The following BIRC6 variants were observed in gnomAD, a reference collection of about 807,000 sequenced individuals.
BIRC6 encodes dual E2 ubiquitin-conjugating enzyme/E3 ubiquitin-protein ligase BIRC6.
BIRC6 carries 98 observed loss-of-function variants against 503.3 expected under a neutral mutation model. The ratio of observed to expected loss-of-function variants is 0.19; its 90% CI spans 0.17 to 0.23. The LOEUF (loss-of-function observed/expected upper bound fraction) is 0.23. Ranked by LOEUF, BIRC6 falls within the 10% of genes least tolerant of loss-of-function variation. The pLI is 1.00. For missense variants in BIRC6, 5,360 were observed against 5,806.0 expected (o/e 0.92, Z 2.50); for synonymous variants, 2,240 against 2,078.7 (o/e 1.08, Z -2.11).
In BIRC6 at chr2:32,512,982, A is replaced by G. The variant is rs751347872; in HGVS notation, c.10396A>G (p.Met3466Val). 1.4e-5 allele frequency: 23 copies of G among 1,613,960 alleles called. No homozygotes were observed. Among genetic ancestry groups the G allele is most frequent in the South Asian group, 4.4e-5 (4 of 91,088 alleles). Residue 3466 changes from methionine (M) to valine (V), a missense_variant, in exon 54 of 74, where the codon ATG becomes GTG. This residue lies in a region of BIRC6 where 878 missense variants were observed against 928.9 expected (regional missense o/e 0.95). Transcript: ENST00000421745. ...TAGTGATTCTGCAAGAGTGGCTGCT[A>G]TGAAGAGAAGTGGCAGGATGAACTA... is the stretch of plus-strand genomic sequence containing the variant. ...WVSDSARVAA[M>V]KRSGRMNYMC... is the part of the protein sequence containing the mutation.
rs779503382 is a variant in BIRC6, at chr2:32,513,016, C to T, written c.10430C>T (p.Pro3477Leu). Residue 3477 changes from proline to leucine, a missense_variant, in exon 54 of 74, where the codon CCT (proline) becomes CTT (leucine). Transcript: ENST00000421745. ...KRSGRMNYMC[P>L]NSSTVEYGLL... ...AGTGGCAGGATGAACTACATGTGTC[C>T]TAACTCCTCAACAGTAGAGTATGGT... 3.1e-6 allele frequency: 5 copies of T among 1,613,778 alleles called. No homozygotes were observed. The highest frequency in any genetic ancestry group is 4.2e-6 in the Non-Finnish European group (5 of 1,179,858).
chr2:32,392,112 C>A lies in BIRC6; in HGVS notation c.913C>A (p.Gln305Lys). 1 of 1,596,166 alleles carries A rather than the reference C, an allele frequency of 6.3e-7. No homozygotes were observed. Among genetic ancestry groups the A allele is most frequent in the Non-Finnish European group, 8.5e-7 (1 of 1,170,434 alleles). ...GCCTCATGTAGGCTATAGGTGGGCA[C>A]AACCAGATCCCATGGCTCAAGCTGG... ...SWPHVGYRWA[Q>K]PDPMAQAGFY... Residue 305 changes from glutamine to lysine, a missense_variant, in exon 5 of 74, where the codon CAA (glutamine) becomes AAA (lysine). By Grantham distance (53) the Gln-to-Lys change is moderately conservative (BLOSUM62 1). Around this residue, in one of 16 missense-constraint regions of BIRC6, gnomAD observed 92 missense variants for 176.7 expected, o/e 0.52. Transcript: ENST00000421745.
intron 59 of BIRC6, chr2:32,527,801 T>G (rs2056398944): frequency 6.6e-6 from 1 of 152,228 alleles, no homozygotes; most frequent in African/African-American, 2.4e-5. Flanking sequence ...ATTCATTCAT[T>G]GACTGGTGGT....
chr2:32,450,998 A>G (rs1311623248), intron 22 of BIRC6, among the ~76,000 whole-genome samples: 1 of 152,176 alleles, frequency 6.6e-6, no homozygotes, highest in East Asian at 1.9e-4. Flanking sequence ...ACAGATACAG[A>G]GAGCTGAGTG....
rs2043843136 is a variant in BIRC6 at position 32,429,218 on chromosome 2, GATC to G, written c.2946_2948del (p.Ser983del). Reference sequence around the variant, plus strand: ...GATGAAGCTGATATACTAGTGGATGGATCTCTTTCTAAAGGAATAGAACCATCT... The same window carrying G: ...GATGAAGCTGATATACTAGTGGATGGTCTTTCTAAAGGAATAGAACCATCT... On this transcript the variant is annotated inframe_deletion, in exon 11 of 74. Transcript: ENST00000421745. 6.4e-7 allele frequency: 1 copy of G among 1,571,682 alleles called. No individual in the cohort carries two copies. Among genetic ancestry groups the G allele is most frequent in the South Asian group, 1.2e-5 (1 of 85,430 alleles).
chr2:32,509,843 T>C lies in BIRC6; in HGVS notation c.10086T>C (p.Cys3362=), dbSNP rs771559660. 1.9e-6 allele frequency: 3 copies of C among 1,613,992 alleles called. No individual in the cohort carries two copies. In the Admixed American group the frequency reaches 5.0e-5, roughly 27 times the overall value. Residue 3362 remains cysteine (C), a synonymous_variant, in exon 52 of 74, where the codon TGT becomes TGC. Transcript: ENST00000421745. ...AAPTANLLQT[C]AALLMSPYCG... is the part of the protein sequence containing the mutation. ...CTACTGCTAATCTGCTGCAGACTTG[T>C]GCGGCCTTATTGATGTCACCTTACT...
chr2:32,448,691 A>T, intron 21 of BIRC6, 104 bp from the exon 22 acceptor site: 1 of 898,946 alleles, frequency 1.1e-6, no homozygotes, highest in Non-Finnish European at 1.7e-6. Flanking sequence ...GGAGAGGGAG[A>T]GCCCTCTGCG....
chr2:32,425,422 T>C (rs2043372026), intron 10 of BIRC6, among the ~76,000 whole-genome samples: 1 of 151,456 alleles, frequency 6.6e-6, no homozygotes, highest in Non-Finnish European at 1.5e-5. Context: ...TCAGGTATGC[T>C]TTCTGGTAAT....
chr2:32,401,323 T>C lies in BIRC6; in HGVS notation c.1195T>C (p.Phe399Leu). ...SCFGSGSCPH[F>L]LAAATKRGKI... is the part of the protein sequence containing the mutation. ...CTTTGGGTCGGGGAGCTGCCCTCAT[T>C]TTCTAGCTGCTGCAACTAAACGAGG... The change falls in exon 7 of 74, where the codon TTT (phenylalanine) becomes CTT (leucine). Residue 399 changes from phenylalanine (F) to leucine (L), a missense_variant. By Grantham distance (22) the Phe-to-Leu change is conservative (BLOSUM62 0). Transcript: ENST00000421745. 6.2e-7 allele frequency: 1 copy of C among 1,614,006 alleles called. No individual in the cohort carries two copies.
intron 65 of BIRC6, among the ~76,000 whole-genome samples, chr2:32,569,130 C>G (rs1466921906): frequency 6.6e-6 from 1 of 151,796 alleles, no homozygotes; most frequent in South Asian, 2.1e-4. Flanking sequence ...GCTGGGTTTA[C>G]AGACACCCAC....
At chr2:32,362,474 C>G (rs1466400839) in intron 1 of BIRC6, among the ~76,000 whole-genome samples, 1 of 151,916 alleles carries the variant, frequency 6.6e-6, no homozygotes, top group African/African-American at 2.4e-5. Context: ...CCCCACCAGA[C>G]CCGGCTAATT....
chr2:32,434,748 T>C (rs2044510374), intron 13 of BIRC6, among the ~76,000 whole-genome samples: 1 of 151,990 alleles, frequency 6.6e-6, no homozygotes, highest in Non-Finnish European at 1.5e-5. Flanking sequence ...CAGGTGGCAG[T>C]ACTCATGAGG....
chr2:32,539,759 A>C (rs2057513960), intron 61 of BIRC6, among the ~76,000 whole-genome samples: 1 of 152,132 alleles, frequency 6.6e-6, no homozygotes, highest in Non-Finnish European at 1.5e-5. Context: ...GAAAAACAGG[A>C]GTACAATTAA....
intron 5 of BIRC6, among the ~76,000 whole-genome samples, chr2:32,392,941 A>G (rs1446505309): frequency 6.6e-6 from 1 of 152,094 alleles, no homozygotes. Context: ...GTGCTAGGCC[A>G]TAATTTTTTT....
At chr2:32,431,181 C>CTTTTTTTTTTTTTTTTATTTTTTTTTTTT (rs2044064443) in intron 12 of BIRC6, 91 bp downstream of exon 12, 1 of 65,364 alleles carries the variant, frequency 1.5e-5, no homozygotes, top group Non-Finnish European at 2.8e-5. Context: ...TACTGTTTAT[C>CTTTTTTTTTTTTTTTTATTTTTTTTTTTT]TTTTTTTTTT....
Position 32,618,855 on chromosome 2 carries a change from CAAAT to C in BIRC6, c.*959_*962del, listed in dbSNP as rs1219389632. On this transcript the variant is annotated 3_prime_UTR_variant, in exon 74 of 74. Coordinates refer to ENST00000421745, the MANE Select transcript of BIRC6 (RefSeq NM_016252.4). The stretch of plus-strand genomic sequence containing the variant: ...TTTTCATGCAAATTCTTCCTAGAGC[CAAAT>C]AAATAAAGACTTAGGTGAATTAGTA... 6.6e-6 allele frequency: 1 copy of C among 152,532 alleles called. No homozygotes were observed. The highest frequency in any genetic ancestry group is 1.5e-5 in the Non-Finnish European group (1 of 68,020). 9.4% of individuals were successfully genotyped at this position (152,532 alleles called of 1,614,324 possible).
At chr2:32,591,184 A>G (rs2061361683) in intron 66 of BIRC6, among the ~76,000 whole-genome samples, 1 of 152,286 alleles carries the variant, frequency 6.6e-6, no homozygotes, top group Admixed American at 6.5e-5. Flanking sequence ...TTGTCAGACT[A>G]TTCAAGTAAA....
intron 10 of BIRC6, among the ~76,000 whole-genome samples, chr2:32,424,271 A>G (rs189518260): frequency 7.2e-5 from 11 of 152,114 alleles, no homozygotes; most frequent in Admixed American, 2.0e-4. Context: ...ATGAAAAAAC[A>G]ATATATATAC....
intron 69 of BIRC6, among the ~76,000 whole-genome samples, chr2:32,598,259 C>T (rs375234231): frequency 1.9e-4 from 28 of 151,230 alleles, no homozygotes; most frequent in African/African-American, 5.6e-4. Flanking sequence ...GTGTGGATCA[C>T]GCTGCTGTTG....
Sources: allele counts gnomAD v4.1 joint callset (sites outside exome capture counted in the v4.1 genomes callset), GRCh38; gene constraint gnomAD v4.1.1; regional missense constraint gnomAD v4.1.1; transcripts MANE v1.5; gene names NCBI Gene and HGNC (gene_info 2026-07-23, HGNC 2026-07-21).